Variants in PSMD4 observed in about 807,000 individuals in gnomAD.
The protein encoded by PSMD4 is proteasome 26S subunit ubiquitin receptor, non-ATPase 4, also known as 26S proteasome non-ATPase regulatory subunit 4.
Under a neutral mutation model 39.7 loss-of-function variants are expected in PSMD4, and 5 were observed. That is an observed-to-expected ratio of 0.13 (90% CI 0.07 to 0.26). The LOEUF is 0.26. Ranked by LOEUF, PSMD4 falls within the 10% of genes least tolerant of loss-of-function variation. PSMD4 has a pLI of 1.00. For synonymous variants in PSMD4, 143 were observed against 174.6 expected, an observed-to-expected ratio of 0.82 and a Z score of 1.43; for missense variants, 272 against 486.1, an observed-to-expected ratio of 0.56 and a Z score of 4.14.
intron 1 of PSMD4, among the ~76,000 whole-genome samples, chr1:151,255,025 T>G (rs1420598555): frequency 6.6e-6 from 1 of 152,218 alleles, no homozygotes; most frequent in African/African-American, 2.4e-5. Context: ...GGACGGTCAT[T>G]GACTGGTCAT....
At chr1:151,264,393 A>C (rs1321735597) in intron 3 of PSMD4, among the ~76,000 whole-genome samples, 2 of 151,544 alleles carry the variant, frequency 1.3e-5, no homozygotes, top group Non-Finnish European at 2.9e-5. Context: ...TAATCCCAGC[A>C]CTTTGGGAGG....
chr1:151,267,453 C>T lies in PSMD4; in HGVS notation c.*110C>T. 7.5e-7 allele frequency: 1 copy of T among 1,337,280 alleles called. No individual in the cohort carries two copies. Among genetic ancestry groups the T allele is most frequent in the Non-Finnish European group, 1.0e-6 (1 of 978,516 alleles). The allele number at this position is 1,337,280 out of a possible 1,614,324, so 82.8% of individuals were successfully genotyped here. The stretch of plus-strand genomic sequence containing the variant: ...CCATTACAGCCTAAATAAAGCTTGG[C>T]AACTTTTTTTCCTTTTTTGCTTCAA... On this transcript the variant is annotated 3_prime_UTR_variant, in exon 10 of 10. Coordinates refer to ENST00000368884, the MANE Select transcript of PSMD4 (RefSeq NM_002810.4).
intron 1 of PSMD4, among the ~76,000 whole-genome samples, chr1:151,261,174 C>CTTTTTCTT (rs1558321125): frequency 7.1e-6 from 1 of 140,610 alleles, no homozygotes; most frequent in Non-Finnish European, 1.6e-5. Flanking sequence ...TTTTTTTTTT[C>CTTTTTCTT]TTTTTCTTTT....
At position 151,266,455 on chromosome 1, in the gene PSMD4, G is replaced by T; in HGVS notation, c.895+16G>T. On this transcript the variant is annotated intron_variant, in intron 8 of 9. Coordinates refer to ENST00000368884, the MANE Select transcript of PSMD4 (RefSeq NM_002810.4). ...CAGGGAGCAGGTGAGCCAGAGCCTGGGTGGTGCCTAGGCAGAGGTTGGGGT... is the reference window on the plus strand; with the variant it reads ...CAGGGAGCAGGTGAGCCAGAGCCTGTGTGGTGCCTAGGCAGAGGTTGGGGT... 6.2e-7 allele frequency: 1 copy of T among 1,614,204 alleles called. No homozygotes were observed. The highest frequency in any genetic ancestry group is 8.5e-7 in the Non-Finnish European group (1 of 1,180,050).
chr1:151,267,178 G>A lies in PSMD4; in HGVS notation c.969G>A (p.Glu323=), dbSNP rs1558323561. The A allele has an allele frequency of 6.2e-7, 1 of 1,613,900 alleles. No individual in the cohort carries two copies. The highest frequency in any genetic ancestry group is 2.2e-5 in the East Asian group (1 of 44,886). Residue 323 remains glutamate, a synonymous_variant, in exon 10 of 10, where the codon GAG becomes GAA. Coordinates refer to ENST00000368884, the MANE Select transcript of PSMD4 (RefSeq NM_002810.4). ...AMDTSEPAKE[E]DDYDVMQDPE... ...CTCACACTGCCTGTTTGCAGGAGGA[G>A]GATGATTACGACGTGATGCAGGACC...
At chr1:151,256,968 C>T (rs1051233758) in intron 1 of PSMD4, among the ~76,000 whole-genome samples, 28 of 151,880 alleles carry the variant, frequency 1.8e-4, no homozygotes, top group East Asian at 3.9e-4. Context: ...AGGCTGGTCT[C>T]GAACTCCCAC....
At chr1:151,264,053 C>T (rs1465307864) in intron 3 of PSMD4, 25 bp downstream of exon 3, 1 of 1,485,958 alleles carries the variant, frequency 6.7e-7, no homozygotes, top group South Asian at 1.2e-5. Context: ...GTTCCCTGGA[C>T]CTTTCCTCCC....
intron 2 of PSMD4, 38 bp from the exon 3 acceptor site, chr1:151,263,876 T>C (rs898925697): frequency 2.9e-6 from 4 of 1,383,878 alleles, no homozygotes; most frequent in Non-Finnish European, 4.0e-6. Flanking sequence ...GTACTTGTGC[T>C]GACCTGAATT....
intron 9 of PSMD4, chr1:151,266,885 T>C (rs913903203): frequency 2.5e-5 from 18 of 707,828 alleles, no homozygotes; most frequent in Non-Finnish European, 4.4e-5. Context: ...AAAGGAGAAC[T>C]GGGTGTCTTG....
chr1:151,264,972 T>A (rs751959429), intron 4 of PSMD4, 54 bp downstream of exon 4: 2 of 1,491,458 alleles, frequency 1.3e-6, no homozygotes, highest in Non-Finnish European at 1.9e-6. Flanking sequence ...GGGACTGAGG[T>A]CTTCCAGCCC....
At chr1:151,258,534 C>T (rs780722642) in intron 1 of PSMD4, among the ~76,000 whole-genome samples, 42 of 144,804 alleles carry the variant, frequency 2.9e-4, no homozygotes, top group Non-Finnish European at 4.5e-4. Flanking sequence ...GATCTTGGCT[C>T]ACTGCAGCCT....
chr1:151,266,981 T>G, intron 9 of PSMD4, 192 bp from the exon 10 acceptor site: 1 of 749,404 alleles, frequency 1.3e-6, no homozygotes, highest in Non-Finnish European at 2.4e-6. Context: ...TCTATTTGGT[T>G]AGTAATAACT....
Position 151,266,367 on chromosome 1 carries a change from C to T in PSMD4, c.823C>T (p.Leu275Phe), listed in dbSNP as rs1693449702. The T allele has an allele frequency of 6.2e-7, 1 of 1,614,210 alleles. No homozygotes were observed. Among genetic ancestry groups the T allele is most frequent in the Non-Finnish European group, 8.5e-7 (1 of 1,180,022 alleles). Residue 275 changes from leucine (L) to phenylalanine (F), a missense_variant, in exon 8 of 10, where the codon CTT becomes TTT. Physicochemically the swap from Leu to Phe is conservative, Grantham distance 22. Coordinates refer to ENST00000368884, the MANE Select transcript of PSMD4 (RefSeq NM_002810.4). ...CCAGCAAGAGTTTGGCCGCACTGGG[C>T]TTCCTGACCTAAGCAGTATGACTGA... ...ISQQEFGRTGLPDLSSMTEEE... is the reference protein window; with the variant it reads ...ISQQEFGRTGFPDLSSMTEEE...
chr1:151,265,670 C>T, intron 6 of PSMD4, 61 bp downstream of exon 6: 1 of 1,525,852 alleles, frequency 6.6e-7, no homozygotes, highest in East Asian at 2.3e-5. Context: ...TTCTGGCACA[C>T]ACATCACAGA....
intron 1 of PSMD4, among the ~76,000 whole-genome samples, chr1:151,258,678 C>T (rs1264617753): frequency 4.6e-5 from 7 of 151,848 alleles, no homozygotes; most frequent in African/African-American, 1.7e-4. Context: ...TTAGGCTGGT[C>T]TCGAACTCTT....
chr1:151,264,075 C>G, intron 3 of PSMD4, 47 bp downstream of exon 3: 1 of 1,377,070 alleles, frequency 7.3e-7, no homozygotes. Context: ...GCTCTGAGGT[C>G]CTGCCTCCAT....
rs1693396995 is a variant in PSMD4 at position 151,265,006 on chromosome 1, C to T, written c.369+88C>T. On this transcript the variant is annotated intron_variant, in intron 4 of 9. Coordinates refer to ENST00000368884, the MANE Select transcript of PSMD4 (RefSeq NM_002810.4). ...CCTCAGGAGAACCTGGCAGAGGCAT[C>T]AGGCTCATCACTTTGGGGAAAGGTG... 4.4e-6 allele frequency: 6 copies of T among 1,371,204 alleles called. No individual in the cohort carries two copies. The Admixed American group carries it at 7.8e-5, about 18-fold the overall frequency. 84.9% of individuals were successfully genotyped at this position (1,371,204 alleles called of 1,614,324 possible).
At position 151,263,831 on chromosome 1, in the gene PSMD4, AAAAT is replaced by A. The variant is rs377592080; in HGVS notation, c.168-71_168-68del. On this transcript the variant is annotated intron_variant, in intron 2 of 9. Transcript: ENST00000368884. ...GGTGACAGAGTGAGACTCCGTCTAA[AAAAT>A]AAATAAATAAAAGTTAGACACAGTT... The A allele has an allele frequency of 7.0e-4, 717 of 1,022,336 alleles. 7 individuals are homozygous for A. The East Asian group carries it at 0.013, about 19-fold the overall frequency. 63.3% of individuals were successfully genotyped at this position (1,022,336 alleles called of 1,614,324 possible).
intron 2 of PSMD4, 146 bp downstream of exon 2, chr1:151,262,447 T>A: frequency 1.0e-6 from 1 of 963,338 alleles, no homozygotes; most frequent in Non-Finnish European, 1.6e-6. Context: ...AGCAACTTGT[T>A]TTTTGTATTA....
Sources: gnomAD v4.1 joint callset for allele counts (sites outside exome capture counted in the v4.1 genomes callset) on GRCh38, gnomAD v4.1.1 for gene constraint, MANE v1.5 for transcripts, NCBI Gene and HGNC (gene_info 2026-07-23, HGNC 2026-07-21) for gene names.